The following SLC26A7 variants were observed in gnomAD, a reference collection of about 807,000 sequenced individuals.
The protein encoded by SLC26A7 is solute carrier family 26 member 7.
In SLC26A7, 59 loss-of-function variants were observed where a neutral mutation model predicts 82.5. The ratio of observed to expected loss-of-function variants is 0.72; its 90% CI spans 0.58 to 0.89. The LOEUF is 0.89. SLC26A7 is among the 40% of genes least tolerant of loss of function. The pLI, the probability that SLC26A7 is intolerant of heterozygous loss-of-function variation, is 0.00. For synonymous variants in SLC26A7, 271 were observed against 274.3 expected (o/e 0.99, Z 0.12); for missense variants, 820 against 793.0 (o/e 1.03, Z -0.41).
chr8:91,361,631 A>G (rs1814051590), intron 11 of SLC26A7, among the ~76,000 whole-genome samples: 1 of 152,142 alleles, frequency 6.6e-6, no homozygotes, highest in Non-Finnish European at 1.5e-5. Context: ...AAGCTTAGAA[A>G]CGCCAACTAT....
intron 11 of SLC26A7, chr8:91,357,270 T>C (rs1265225230): frequency 6.6e-6 from 1 of 152,212 alleles, no homozygotes; most frequent in African/African-American, 2.4e-5. Context: ...GCTCTGAGGA[T>C]AAGTTTGTTG....
Position 91,249,840 on chromosome 8 carries a change from C to T in SLC26A7, c.189C>T (p.Thr63=), listed in dbSNP as rs762634440. 6 of 1,598,778 alleles carry T rather than the reference C, an allele frequency of 3.8e-6. No homozygotes were observed. The highest frequency in any genetic ancestry group is 5.1e-6 in the Non-Finnish European group (6 of 1,174,276). ...SGIMLAVQQV[T]QGLAFAVLSS... Reference sequence around the variant, plus strand: ...TAATGTTGGCAGTTCAACAGGTGACCCAAGGTAATGTATTGCATTTGAGTT... The same window carrying T: ...TAATGTTGGCAGTTCAACAGGTGACTCAAGGTAATGTATTGCATTTGAGTT... Residue 63 remains threonine, a synonymous_variant, in exon 2 of 19, where the codon ACC becomes ACT. Transcript: ENST00000276609.
At chr8:91,279,125 G>GTATATATATATATA (rs55869816) in intron 2 of SLC26A7, among the ~76,000 whole-genome samples, 28 of 111,290 alleles carry the variant, frequency 2.5e-4, no homozygotes, top group East Asian at 1.3e-3. Context: ...GTGTGTGTGT[G>GTATATATATATATA]TATATATATA....
At chr8:91,377,774 G>A (rs1462435974) in intron 15 of SLC26A7, among the ~76,000 whole-genome samples, 5 of 152,138 alleles carry the variant, frequency 3.3e-5, no homozygotes, top group African/African-American at 9.7e-5. Context: ...TGTTTTCCGT[G>A]AACTCTGAGT....
chr8:91,276,321 CACT>C (rs1811404840), intron 2 of SLC26A7, among the ~76,000 whole-genome samples: 2 of 152,094 alleles, frequency 1.3e-5, no homozygotes, highest in Non-Finnish European at 2.9e-5. Context: ...AAAACAAATT[CACT>C]ACTAACTTGC....
chr8:91,220,410 A>C (rs904034554), intron 2 of SLC26A7, among the ~76,000 whole-genome samples: 2 of 151,258 alleles, frequency 1.3e-5, no homozygotes, highest in African/African-American at 2.4e-5. Context: ...ACTGGGATAC[A>C]TGTGCAGACC....
chr8:91,302,369 G>A (rs1812189873), intron 4 of SLC26A7, among the ~76,000 whole-genome samples: 2 of 152,032 alleles, frequency 1.3e-5, no homozygotes, highest in African/African-American at 4.8e-5. Flanking sequence ...ATATGTTTGT[G>A]TCATAAACAT....
At chr8:91,270,309 G>A (rs913099756) in intron 2 of SLC26A7, among the ~76,000 whole-genome samples, 6 of 152,134 alleles carry the variant, frequency 3.9e-5, no homozygotes, top group African/African-American at 7.2e-5. Flanking sequence ...AACTTGTAGT[G>A]AGCACCAGAA....
At chr8:91,330,925 T>TA (rs1331059011) in intron 5 of SLC26A7, among the ~76,000 whole-genome samples, 2 of 152,136 alleles carry the variant, frequency 1.3e-5, no homozygotes, top group Non-Finnish European at 2.9e-5. Flanking sequence ...CTTTATTTCT[T>TA]ACAGTCCTGG....
chr8:91,380,341 A>G (rs946950546), intron 15 of SLC26A7, among the ~76,000 whole-genome samples: 1 of 152,078 alleles, frequency 6.6e-6, no homozygotes, highest in African/African-American at 2.4e-5. Flanking sequence ...CTAAACACGA[A>G]ATTAATTTAT....
Position 91,363,603 on chromosome 8 carries a change from G to A in SLC26A7, c.1488+65G>A, listed in dbSNP as rs912098523. 60 of 937,946 alleles carry A rather than the reference G, an allele frequency of 6.4e-5. No homozygotes were observed. The Admixed American group carries it at 1.2e-3, about 19-fold the overall frequency. The allele number at this position is 937,946 out of a possible 1,614,324, so 58.1% of individuals were successfully genotyped here. Reference sequence around the variant, plus strand: ...CATTTTGTGGGTGAGATAATTTTAAGACATCACAAAAATTAGATAAATTAT... The same window carrying A: ...CATTTTGTGGGTGAGATAATTTTAAAACATCACAAAAATTAGATAAATTAT... On this transcript the variant is annotated intron_variant, in intron 13 of 18. Coordinates refer to ENST00000276609, the MANE Select transcript of SLC26A7 (RefSeq NM_052832.4).
chr8:91,285,280 C>T (rs1205008138), intron 2 of SLC26A7, among the ~76,000 whole-genome samples: 1 of 150,440 alleles, frequency 6.6e-6, no homozygotes. Context: ...CGTTCACACG[C>T]CTTCATCTTC....
intron 1 of SLC26A7, among the ~76,000 whole-genome samples, chr8:91,210,417 G>A (rs1331827033): frequency 6.6e-6 from 1 of 152,022 alleles, no homozygotes; most frequent in Non-Finnish European, 1.5e-5. Context: ...AGCTATCTTT[G>A]TATATTTGAA....
chr8:91,377,667 C>T (rs543069598), intron 15 of SLC26A7, among the ~76,000 whole-genome samples: 1 of 152,310 alleles, frequency 6.6e-6, no homozygotes, highest in East Asian at 1.9e-4. Flanking sequence ...AACAGCATTG[C>T]ACAGTCACAA....
At chr8:91,232,490 C>A (rs1334932131) in intron 2 of SLC26A7, among the ~76,000 whole-genome samples, 1 of 152,208 alleles carries the variant, frequency 6.6e-6, no homozygotes, top group African/African-American at 2.4e-5. Context: ...TAAGTATATT[C>A]CCTTTTATAT....
At chr8:91,337,924 C>T (rs1014661534) in intron 6 of SLC26A7, among the ~76,000 whole-genome samples, 1 of 146,524 alleles carries the variant, frequency 6.8e-6, no homozygotes, top group Non-Finnish European at 1.5e-5. Flanking sequence ...TTAGAAAAGC[C>T]ATATGATTGG....
At chr8:91,390,634 G>GC (rs891221509) in intron 16 of SLC26A7, among the ~76,000 whole-genome samples, 19 of 151,936 alleles carry the variant, frequency 1.3e-4, no homozygotes, top group African/African-American at 4.6e-4. Context: ...ACCACCTAGA[G>GC]CCTCCCTGCG....
chr8:91,291,456 T>A (rs1811866239), intron 3 of SLC26A7, among the ~76,000 whole-genome samples: 2 of 152,200 alleles, frequency 1.3e-5, no homozygotes, highest in Non-Finnish European at 2.9e-5. Context: ...CCTAACGATT[T>A]CTTTTCATTT....
chr8:91,391,778 G>A (rs1397142048), intron 16 of SLC26A7, among the ~76,000 whole-genome samples: 1 of 151,950 alleles, frequency 6.6e-6, no homozygotes, highest in Non-Finnish European at 1.5e-5. Context: ...GGGGCTCAAG[G>A]ATCCTATTTT....
Sources: allele counts gnomAD v4.1 joint callset (sites outside exome capture counted in the v4.1 genomes callset), GRCh38; gene constraint gnomAD v4.1.1; transcripts MANE v1.5; gene names NCBI Gene and HGNC (gene_info 2026-07-23, HGNC 2026-07-21).